The following SOX5 variants were observed in gnomAD, a reference collection of about 807,000 sequenced individuals.
SOX5 encodes the protein transcription factor SOX-5.
In SOX5, 9 loss-of-function variants were observed where a neutral mutation model predicts 92.0. The ratio of observed to expected loss-of-function variants is 0.10; its 90% CI spans 0.06 to 0.17. The LOEUF (loss-of-function observed/expected upper bound fraction) is 0.17, where lower values mean the gene tolerates loss of function less well. Among genes scored for constraint, SOX5 ranks in the 10% least tolerant of loss-of-function variants. SOX5 has a pLI of 1.00. For missense variants in SOX5, 642 were observed against 944.5 expected, an observed-to-expected ratio of 0.68 and a Z score of 4.20; for synonymous variants, 344 against 336.3, an observed-to-expected ratio of 1.02 and a Z score of -0.25.
intron 14 of SOX5, among the ~76,000 whole-genome samples, chr12:23,535,783 A>G (rs1940274489): frequency 6.6e-6 from 1 of 152,224 alleles, no homozygotes; most frequent in Admixed American, 6.5e-5. Context: ...AGCTCTTAGA[A>G]ACTAACTTCT....
At chr12:24,273,941 T>C (rs12372477) in intron 3 of SOX5, among the ~76,000 whole-genome samples, 24,974 of 152,252 alleles carry the variant, frequency 0.16, 2,422 homozygotes, top group Middle Eastern at 0.24. Context: ...TGTGAAACTA[T>C]ATTCCTAGCT....
chr12:23,602,915 G>A (rs907031432), intron 9 of SOX5, among the ~76,000 whole-genome samples: 2 of 152,020 alleles, frequency 1.3e-5, no homozygotes, highest in East Asian at 3.8e-4. Context: ...CCAGGCCTTA[G>A]ATATACATTA....
intron 9 of SOX5, among the ~76,000 whole-genome samples, chr12:23,580,603 T>A (rs539856283): frequency 6.6e-6 from 1 of 152,038 alleles, no homozygotes; most frequent in Non-Finnish European, 1.5e-5. Context: ...CAAATACAAG[T>A]CTTAGAAGCT....
chr12:24,276,283 T>C lies in SOX5; in HGVS notation c.-77+933A>G, dbSNP rs1296707729. 2.6e-5 allele frequency among the ~76,000 whole-genome samples: 4 copies of C among 152,260 alleles called. No individual in the cohort carries two copies. In the East Asian group the frequency reaches 7.7e-4, roughly 29 times the overall value. ...TTATAAGTATTTTAATAATACTGTT[T>C]GGGATTTTAACAATTTTGTTTTTAA... is the stretch of plus-strand genomic sequence containing the variant. On this transcript the variant is annotated intron_variant, in intron 3 of 4. Coordinates refer to the SOX5 transcript ENST00000446891.
intron 4 of SOX5, among the ~76,000 whole-genome samples, chr12:24,006,171 T>C (rs971007316): frequency 1.3e-5 from 2 of 152,126 alleles, no homozygotes; most frequent in Non-Finnish European, 2.9e-5. Flanking sequence ...GTCACTCTTA[T>C]GCACATAAAG....
At chr12:24,211,122 C>G (rs909173231) in intron 4 of SOX5, among the ~76,000 whole-genome samples, 4 of 152,132 alleles carry the variant, frequency 2.6e-5, no homozygotes, top group African/African-American at 9.7e-5. Flanking sequence ...TTCAACACAC[C>G]AAGCACACTC....
At position 24,419,323 on chromosome 12, in the gene SOX5, G is replaced by C. The variant is rs116157322; in HGVS notation, c.-250-50684C>G. Among the ~76,000 whole-genome samples the C allele has an allele frequency of 8.0e-3, 1,216 of 152,138 alleles. 7 individuals carry two copies. Among genetic ancestry groups the C allele is most frequent in the African/African-American group, 0.028 (1,144 of 41,494 alleles). ...AGGCTAATTTTTTTGTATTTTAGTA[G>C]AGACAAGGCTTCACCATGTTTTGCC... On this transcript the variant is annotated intron_variant, in intron 1 of 4. Coordinates refer to the SOX5 transcript ENST00000446891.
intron 1 of SOX5, among the ~76,000 whole-genome samples, chr12:23,922,740 A>G (rs1040788461): frequency 6.6e-6 from 1 of 152,212 alleles, no homozygotes; most frequent in Non-Finnish European, 1.5e-5. Context: ...ATCCAATTCA[A>G]TAAGTACTTC....
At chr12:23,671,362 T>A (rs1252005946) in intron 6 of SOX5, among the ~76,000 whole-genome samples, 1 of 152,184 alleles carries the variant, frequency 6.6e-6, no homozygotes, top group Non-Finnish European at 1.5e-5. Flanking sequence ...TCCTTAGGGA[T>A]CAGTTCACCT....
chr12:24,093,040 C>A (rs1453331069), intron 4 of SOX5, among the ~76,000 whole-genome samples: 1 of 152,112 alleles, frequency 6.6e-6, no homozygotes, highest in Non-Finnish European at 1.5e-5. Flanking sequence ...ATAAAAAAAT[C>A]ATGAGCTAAA....
intron 3 of SOX5, among the ~76,000 whole-genome samples, chr12:24,245,184 T>C (rs1296458847): frequency 6.6e-6 from 1 of 151,790 alleles, no homozygotes; most frequent in East Asian, 1.9e-4. Flanking sequence ...TTCTTACCAA[T>C]AGACTATGAG....
At chr12:23,858,543 C>T (rs532512936) in intron 2 of SOX5, among the ~76,000 whole-genome samples, 6 of 152,276 alleles carry the variant, frequency 3.9e-5, no homozygotes, top group Admixed American at 6.5e-5. Flanking sequence ...CAGAAAGTAA[C>T]AACAGGTGCT....
chr12:24,264,131 G>A (rs1942671305), intron 3 of SOX5, among the ~76,000 whole-genome samples: 1 of 152,088 alleles, frequency 6.6e-6, no homozygotes, highest in Non-Finnish European at 1.5e-5. Context: ...AGGGAATAAA[G>A]ATATGACAAG....
intron 3 of SOX5, 90 bp from the exon 4 acceptor site, chr12:23,755,814 T>G: frequency 2.6e-6 from 2 of 775,572 alleles, no homozygotes; most frequent in Non-Finnish European, 4.1e-6. Flanking sequence ...AATAAGGCCA[T>G]CCCTATCCCA....
chr12:24,329,649 T>C (rs1356236262), intron 2 of SOX5, among the ~76,000 whole-genome samples: 1 of 152,218 alleles, frequency 6.6e-6, no homozygotes, highest in Non-Finnish European at 1.5e-5. Flanking sequence ...TACAAAAGCA[T>C]GATAAATTAT....
chr12:24,466,845 T>G (rs183467867), intron 1 of SOX5, among the ~76,000 whole-genome samples: 1 of 152,354 alleles, frequency 6.6e-6, no homozygotes, highest in African/African-American at 2.4e-5. Flanking sequence ...CCAGGTAATC[T>G]GATGCATAAT....
chr12:24,031,734 T>C (rs942646240), intron 4 of SOX5, among the ~76,000 whole-genome samples: 4 of 151,648 alleles, frequency 2.6e-5, no homozygotes, highest in African/African-American at 9.7e-5. Flanking sequence ...ATGAGAATCA[T>C]TGGCATGCAG....
intron 3 of SOX5, among the ~76,000 whole-genome samples, chr12:24,242,235 T>G (rs1029978564): frequency 6.6e-6 from 1 of 152,220 alleles, no homozygotes; most frequent in Non-Finnish European, 1.5e-5. Context: ...TAGAAGCTAT[T>G]TTTTGATATA....
chr12:24,554,730 A>C (rs1953591877), intron 1 of SOX5, among the ~76,000 whole-genome samples: 1 of 152,176 alleles, frequency 6.6e-6, no homozygotes, highest in Admixed American at 6.5e-5. Context: ...CATACACAAA[A>C]GTATTGCTCT....
Sources: allele counts gnomAD v4.1 joint callset (sites outside exome capture counted in the v4.1 genomes callset), GRCh38; gene constraint gnomAD v4.1.1; transcripts MANE v1.5; gene names NCBI Gene and HGNC (gene_info 2026-07-23, HGNC 2026-07-21).